MYO1E: variants seen among roughly 807,000 people sequenced by gnomAD.
MYO1E encodes the protein myosin IE.
In MYO1E, 68 loss-of-function variants were observed where a neutral mutation model predicts 151.1. That is an observed-to-expected ratio of 0.45 (90% CI 0.37 to 0.55). The LOEUF is 0.55. Ranked by LOEUF, MYO1E falls within the 20% of genes least tolerant of loss-of-function variation. The pLI is 0.00. For synonymous variants in MYO1E, 601 were observed against 501.7 expected, an observed-to-expected ratio of 1.20 and a Z score of -2.64; for missense variants, 1,363 against 1,389.3, an observed-to-expected ratio of 0.98 and a Z score of 0.30.
At chr15:59,275,658 A>G (rs1771788681) in intron 1 of MYO1E, among the ~76,000 whole-genome samples, 1 of 152,170 alleles carries the variant, frequency 6.6e-6, no homozygotes, top group South Asian at 2.1e-4. Context: ...AGGCAAAGGG[A>G]GAGAGTAAAG....
chr15:59,158,412 C>T (rs1177774038), intron 24 of MYO1E, 33 bp from the exon 25 acceptor site: 2 of 1,488,160 alleles, frequency 1.3e-6, no homozygotes, highest in Non-Finnish European at 1.8e-6. Flanking sequence ...AAAACCAGTG[C>T]TACTGGTTGG....
chr15:59,202,714 A>T, intron 15 of MYO1E, among the ~76,000 whole-genome samples: 1 of 152,302 alleles, frequency 6.6e-6, no homozygotes, highest in South Asian at 2.1e-4. Flanking sequence ...GACAGAACAT[A>T]ACAGAGGGAG....
chr15:59,164,732 GA>G (rs2079554952), intron 22 of MYO1E, among the ~76,000 whole-genome samples: 1 of 152,214 alleles, frequency 6.6e-6, no homozygotes, highest in Non-Finnish European at 1.5e-5. Flanking sequence ...CTTGGGCAGA[GA>G]ATCTTGGGGG....
Position 59,256,310 on chromosome 15 carries a change from G to C in MYO1E, c.306C>G (p.Asp102Glu), listed in dbSNP as rs577500183. 6.2e-7 allele frequency: 1 copy of C among 1,610,362 alleles called. No individual in the cohort carries two copies. The highest frequency in any genetic ancestry group is 1.1e-5 in the South Asian group (1 of 90,996). ...ADNMYRNMII[D>E]RENQCVIISG... ...TGATAATGACGCACTGGTTCTCTCT[G>C]TCAATGATCATGTTTCTGTACATAT... Residue 102 changes from aspartate to glutamate, a missense_variant, in exon 4 of 28, where the codon GAC becomes GAG. By Grantham distance (45) the Asp-to-Glu change is conservative. Coordinates refer to ENST00000288235, the MANE Select transcript of MYO1E (RefSeq NM_004998.4).
At chr15:59,348,471 A>G (rs1221525906) in intron 1 of MYO1E, among the ~76,000 whole-genome samples, 2 of 152,122 alleles carry the variant, frequency 1.3e-5, no homozygotes, top group African/African-American at 4.8e-5. Context: ...TTTAGGAACC[A>G]TCCAGGAAGC....
intron 12 of MYO1E, 135 bp from the exon 13 acceptor site, chr15:59,210,735 T>C: frequency 3.0e-6 from 2 of 666,806 alleles, no homozygotes. Flanking sequence ...GGGACTTTAA[T>C]TTTTATTTTC....
At position 59,361,043 on chromosome 15, in the gene MYO1E, T is replaced by C. The variant is rs1306661954; in HGVS notation, c.3+11455A>G. Among the ~76,000 whole-genome samples the C allele has an allele frequency of 2.0e-5, 3 of 152,306 alleles. No homozygotes were observed. In the East Asian group the frequency reaches 5.8e-4, roughly 29 times the overall value. On this transcript the variant is annotated intron_variant, in intron 1 of 27. Transcript: ENST00000288235. Reference sequence around the variant, plus strand: ...CTGGAGCTTGTACCCTTGCTTTTCTTGGGAACCCTGTGGTGTGACCACTAC... The same window carrying C: ...CTGGAGCTTGTACCCTTGCTTTTCTCGGGAACCCTGTGGTGTGACCACTAC...
chr15:59,339,104 C>A (rs762338178), intron 1 of MYO1E, among the ~76,000 whole-genome samples: 2 of 152,218 alleles, frequency 1.3e-5, no homozygotes, highest in Non-Finnish European at 2.9e-5. Flanking sequence ...TGCACTCCAG[C>A]CTGGGTGGCA....
intron 1 of MYO1E, among the ~76,000 whole-genome samples, chr15:59,294,031 G>A (rs774687476): frequency 1.3e-4 from 20 of 152,190 alleles, no homozygotes; most frequent in Non-Finnish European, 1.9e-4. Context: ...AACAGAGCAA[G>A]ACCCTGTCTC....
intron 1 of MYO1E, among the ~76,000 whole-genome samples, chr15:59,347,024 G>A (rs1159708817): frequency 6.6e-6 from 1 of 152,180 alleles, no homozygotes; most frequent in African/African-American, 2.4e-5. Flanking sequence ...ATGTCTGTGG[G>A]TATAAGGCAT....
chr15:59,223,211 C>CT lies in MYO1E; in HGVS notation c.778-21dup. ...GGCGTGCTGGAAGAGAAAAGAGAAA[C>CT]TATCCAGAGAAGCTGGTCACCAGCT... On this transcript the variant is annotated intron_variant, in intron 8 of 27. Coordinates refer to ENST00000288235, the MANE Select transcript of MYO1E (RefSeq NM_004998.4). The CT allele has an allele frequency of 6.2e-7, 1 of 1,613,000 alleles. No homozygotes were observed. Among genetic ancestry groups the CT allele is most frequent in the Non-Finnish European group, 8.5e-7 (1 of 1,179,564 alleles).
At chr15:59,354,511 G>T (rs1209495514) in intron 1 of MYO1E, among the ~76,000 whole-genome samples, 1 of 152,128 alleles carries the variant, frequency 6.6e-6, no homozygotes, top group Non-Finnish European at 1.5e-5. Context: ...GGGGTCACAG[G>T]CCTGGGTGTC....
At chr15:59,194,100 G>C (rs1409947997) in intron 17 of MYO1E, among the ~76,000 whole-genome samples, 3 of 152,040 alleles carry the variant, frequency 2.0e-5, no homozygotes, top group African/African-American at 7.2e-5. Flanking sequence ...CTGGAAACCG[G>C]GAGGCAGAGG....
intron 17 of MYO1E, among the ~76,000 whole-genome samples, chr15:59,189,396 TTTTC>T (rs556562476): frequency 1.7e-4 from 26 of 152,196 alleles, no homozygotes; most frequent in African/African-American, 5.5e-4. Context: ...TTCCCTTCCC[TTTTC>T]TTTCTTTCTT....
chr15:59,327,616 T>C (rs766500150), intron 1 of MYO1E, among the ~76,000 whole-genome samples: 2 of 152,022 alleles, frequency 1.3e-5, no homozygotes, highest in African/African-American at 2.4e-5. Flanking sequence ...CGCCCAGCCA[T>C]TTATTTACTT....
intron 3 of MYO1E, among the ~76,000 whole-genome samples, chr15:59,259,763 G>C (rs1436060518): frequency 6.6e-6 from 1 of 152,148 alleles, no homozygotes; most frequent in Non-Finnish European, 1.5e-5. Context: ...CCTATCTGTG[G>C]TCTTACTGAA....
chr15:59,367,682 G>A (rs1330141054), intron 1 of MYO1E, among the ~76,000 whole-genome samples: 1 of 152,228 alleles, frequency 6.6e-6, no homozygotes. Flanking sequence ...TGCAGTGAAC[G>A]TTTAGACATT....
At chr15:59,363,007 G>T (rs1180854743) in intron 1 of MYO1E, among the ~76,000 whole-genome samples, 2 of 121,338 alleles carry the variant, frequency 1.6e-5, no homozygotes, top group Non-Finnish European at 3.2e-5. Context: ...ACGGAGTCTC[G>T]CTGTGTCACC....
At chr15:59,303,334 G>C (rs1596408192) in intron 1 of MYO1E, among the ~76,000 whole-genome samples, 1 of 152,120 alleles carries the variant, frequency 6.6e-6, no homozygotes, top group South Asian at 2.1e-4. Flanking sequence ...AGAATCACCT[G>C]AGCCAGGAGG....
Sources: gnomAD v4.1 joint callset for allele counts (sites outside exome capture counted in the v4.1 genomes callset) on GRCh38, gnomAD v4.1.1 for gene constraint, MANE v1.5 for transcripts, NCBI Gene and HGNC (gene_info 2026-07-23, HGNC 2026-07-21) for gene names.